Variants in DEFB1 observed in about 807,000 individuals in gnomAD.
DEFB1 encodes the protein defensin beta 1, also known as beta-defensin 1.
In DEFB1, 4 loss-of-function variants were observed where a neutral mutation model predicts 2.6. The ratio of observed to expected loss-of-function variants is 1.53; its 90% confidence interval spans 0.76 to 3.51. DEFB1 has a LOEUF of 3.51. DEFB1 is among the 30% of genes most tolerant of loss of function. The pLI is 0.01. For missense variants in DEFB1, 162 were observed against 76.9 expected (o/e 2.11, Z -4.14); for synonymous variants, 56 against 28.5 (o/e 1.96, Z -3.07).
chr8:6,872,897 A>T (rs2980928), intron 1 of DEFB1, among the ~76,000 whole-genome samples: 1 of 152,118 alleles, frequency 6.6e-6, no homozygotes, highest in Non-Finnish European at 1.5e-5. Context: ...CTGGAAAGAT[A>T]CTTAGAGGAT....
intron 1 of DEFB1, among the ~76,000 whole-genome samples, chr8:6,874,808 CTG>C (rs1806459261): frequency 2.6e-5 from 4 of 151,846 alleles, no homozygotes; most frequent in Admixed American, 2.6e-4. Context: ...ATGGTGAAAC[CTG>C]CTCTCTACTA....
At chr8:6,876,923 C>T (rs191271220) in intron 1 of DEFB1, among the ~76,000 whole-genome samples, 4 of 150,248 alleles carry the variant, frequency 2.7e-5, no homozygotes, top group Non-Finnish European at 4.4e-5. Context: ...TGCTTTTGTA[C>T]TCAGCTTTCA....
At chr8:6,872,730 C>A (rs1416105716) in intron 1 of DEFB1, among the ~76,000 whole-genome samples, 1 of 152,182 alleles carries the variant, frequency 6.6e-6, no homozygotes, top group Non-Finnish European at 1.5e-5. Context: ...AGCTTATATT[C>A]TTTTTCTCTG....
chr8:6,874,580 G>A (rs1585000165), intron 1 of DEFB1, among the ~76,000 whole-genome samples: 1 of 152,226 alleles, frequency 6.6e-6, no homozygotes, highest in African/African-American at 2.4e-5. Context: ...ACAGAAAAAT[G>A]TCCAAATGGA....
chr8:6,872,424 C>T (rs943557935), intron 1 of DEFB1, among the ~76,000 whole-genome samples: 1 of 152,166 alleles, frequency 6.6e-6, no homozygotes, highest in African/African-American at 2.4e-5. Context: ...CTTTTTACCA[C>T]TGCAGAACGT....
intron 1 of DEFB1, among the ~76,000 whole-genome samples, chr8:6,873,176 C>T (rs1211351704): frequency 6.6e-6 from 1 of 152,116 alleles, no homozygotes; most frequent in Non-Finnish European, 1.5e-5. Flanking sequence ...TGATCCTCTC[C>T]CCAGATGAAG....
intron 1 of DEFB1, 145 bp downstream of exon 1, chr8:6,877,652 C>T: frequency 2.9e-6 from 2 of 700,606 alleles, no homozygotes; most frequent in Non-Finnish European, 4.8e-6. Flanking sequence ...TGCCTTCTGC[C>T]AACTGCAGGC....
At chr8:6,872,848 C>G (rs952866247) in intron 1 of DEFB1, among the ~76,000 whole-genome samples, 16 of 152,194 alleles carry the variant, frequency 1.1e-4, no homozygotes, top group Non-Finnish European at 8.8e-5. Context: ...AAAGTCTCCA[C>G]TTTCTGCTTT....
At chr8:6,877,101 T>G (rs576264219) in intron 1 of DEFB1, among the ~76,000 whole-genome samples, 2 of 152,262 alleles carry the variant, frequency 1.3e-5, no homozygotes, top group African/African-American at 4.8e-5. Context: ...AAACCAAGGC[T>G]TAGCACCATG....
Position 6,877,764 on chromosome 8 carries a change from G to A in DEFB1, c.61+33C>T. The A allele has an allele frequency of 1.9e-6, 3 of 1,597,032 alleles. No homozygotes were observed. In the South Asian group the frequency reaches 3.3e-5, roughly 18 times the overall value. On this transcript the variant is annotated intron_variant, in intron 1 of 1. Coordinates refer to ENST00000297439, the MANE Select transcript of DEFB1 (RefSeq NM_005218.4). ...TCAGCCCCATTGTCCCCAGCCCTGG[G>A]GATGGGAAACTCTTGCAGGTACCAG...
In DEFB1 at chr8:6,870,629, C is replaced by G. The variant is rs186219960; in HGVS notation, c.*52G>C. ...GCAATTTTCCTTTATTAAAAGAATG[C>G]TTATAAAAAGTTCATTTCACTTCTG... is the stretch of plus-strand genomic sequence containing the variant. On this transcript the variant is annotated 3_prime_UTR_variant, in exon 2 of 2. Transcript: ENST00000297439. 5.2e-5 allele frequency: 82 copies of G among 1,582,756 alleles called. No homozygotes were observed. In the East Asian group the frequency reaches 1.8e-3, roughly 34 times the overall value.
rs7007863 is a variant in DEFB1 at position 6,877,371 on chromosome 8, C to A, written c.61+426G>T. 4.9e-3 allele frequency among the ~76,000 whole-genome samples: 740 copies of A among 152,296 alleles called. 4 individuals carry two copies. Among genetic ancestry groups the A allele is most frequent in the African/African-American group, 0.017 (703 of 41,564 alleles). On this transcript the variant is annotated intron_variant, in intron 1 of 1. Coordinates refer to ENST00000297439, the MANE Select transcript of DEFB1 (RefSeq NM_005218.4). ...GGCTGAGCTGGCCTGATGGGTGGGG[C>A]GGCAGCACCTCACCTGTACCAGGGC...
chr8:6,875,611 T>A (rs1247592910), intron 1 of DEFB1, among the ~76,000 whole-genome samples: 1 of 152,202 alleles, frequency 6.6e-6, no homozygotes, highest in African/African-American at 2.4e-5. Context: ...TAATTGATGT[T>A]ATCAAATGTT....
rs188566796 is a variant in DEFB1 at position 6,876,452 on chromosome 8, G to C, written c.61+1345C>G. On this transcript the variant is annotated intron_variant, in intron 1 of 1. Coordinates refer to ENST00000297439, the MANE Select transcript of DEFB1 (RefSeq NM_005218.4). ...AGATTGTGCCATTGCACTCCAGCCT[G>C]GGTGACAGAGCAAGACTCCATCTCA... Among the ~76,000 whole-genome samples the C allele has an allele frequency of 5.6e-3, 845 of 152,096 alleles. 3 individuals carry two copies. Among genetic ancestry groups the C allele is most frequent in the Middle Eastern group, 0.01 (3 of 294 alleles).
In DEFB1 at chr8:6,877,506, A is replaced by G. The variant is rs56413318; in HGVS notation, c.61+291T>C. Among the ~76,000 whole-genome samples, 67 of 152,322 alleles carry G rather than the reference A, an allele frequency of 4.4e-4. 2 individuals carry two copies. The South Asian group carries it at 0.011, about 25-fold the overall frequency. Reference sequence around the variant, plus strand: ...GGAGTCGTCTTGCAGGGGAAGCAGCAATCTCATCCACATAGGATACTGTCT... The same window carrying G: ...GGAGTCGTCTTGCAGGGGAAGCAGCGATCTCATCCACATAGGATACTGTCT... On this transcript the variant is annotated intron_variant, in intron 1 of 1. Coordinates refer to ENST00000297439, the MANE Select transcript of DEFB1 (RefSeq NM_005218.4).
chr8:6,874,198 G>T (rs932494973), intron 1 of DEFB1, among the ~76,000 whole-genome samples: 7 of 151,596 alleles, frequency 4.6e-5, no homozygotes, highest in Admixed American at 3.9e-4. Context: ...CAACAGTAAA[G>T]AATTACTAGG....
intron 1 of DEFB1, among the ~76,000 whole-genome samples, chr8:6,873,982 G>A (rs971010178): frequency 3.3e-5 from 5 of 152,154 alleles, no homozygotes; most frequent in African/African-American, 9.7e-5. Context: ...CCTTGTGTTA[G>A]ATATTGCTGT....
intron 1 of DEFB1, among the ~76,000 whole-genome samples, chr8:6,873,715 G>A (rs1282420790): frequency 6.7e-6 from 1 of 149,256 alleles, no homozygotes; most frequent in Non-Finnish European, 1.5e-5. Flanking sequence ...CTAACTGTGG[G>A]GTACTATGCT....
intron 1 of DEFB1, among the ~76,000 whole-genome samples, chr8:6,871,282 T>C (rs1806300601): frequency 6.6e-6 from 1 of 152,190 alleles, no homozygotes; most frequent in African/African-American, 2.4e-5. Context: ...GCCCCCTCAC[T>C]TCCCACATCA....
Sources: allele counts gnomAD v4.1 joint callset (sites outside exome capture counted in the v4.1 genomes callset), GRCh38; gene constraint gnomAD v4.1.1; transcripts MANE v1.5; gene names NCBI Gene and HGNC (gene_info 2026-07-23, HGNC 2026-07-21).